Variants in MYO5A observed in about 807,000 individuals in gnomAD.
MYO5A encodes myosin VA, also known as unconventional myosin-Va.
A neutral mutation model predicts 249.7 loss-of-function variants in MYO5A; 98 were observed. That is an observed-to-expected ratio of 0.39 (90% CI 0.33 to 0.46). The LOEUF is 0.46. MYO5A is among the 20% of genes least tolerant of loss of function. The pLI is 0.98. For missense variants in MYO5A, 1,696 were observed against 2,308.8 expected, an observed-to-expected ratio of 0.73 and a Z score of 5.44; for synonymous variants, 778 against 810.6, an observed-to-expected ratio of 0.96 and a Z score of 0.68.
chr15:52,451,764 C>G (rs2076025065), intron 1 of MYO5A, among the ~76,000 whole-genome samples: 1 of 152,188 alleles, frequency 6.6e-6, no homozygotes, highest in Non-Finnish European at 1.5e-5. Context: ...TCCTCCTTAT[C>G]CTTCACATCT....
chr15:52,467,756 A>T (rs1279187442), intron 1 of MYO5A, among the ~76,000 whole-genome samples: 3 of 152,196 alleles, frequency 2.0e-5, no homozygotes, highest in Admixed American at 6.5e-5. Flanking sequence ...AAGGAAAAAA[A>T]TTTTAAATCG....
chr15:52,429,737 A>C (rs17707852), intron 2 of MYO5A, among the ~76,000 whole-genome samples: 1 of 151,970 alleles, frequency 6.6e-6, no homozygotes, highest in Non-Finnish European at 1.5e-5. Flanking sequence ...ACATTTTAAT[A>C]GGGTTCCTGG....
At chr15:52,383,469 T>C (rs2041843844) in intron 15 of MYO5A, among the ~76,000 whole-genome samples, 1 of 152,230 alleles carries the variant, frequency 6.6e-6, no homozygotes, top group Non-Finnish European at 1.5e-5. Context: ...TGTTATGAGC[T>C]TAGTCATATG....
chr15:52,482,979 A>C (rs1243590232), intron 1 of MYO5A, among the ~76,000 whole-genome samples: 1 of 152,220 alleles, frequency 6.6e-6, no homozygotes, highest in Non-Finnish European at 1.5e-5. Flanking sequence ...AATACAGAGG[A>C]AACAACAGGA....
rs1400389111 is a variant in MYO5A, at chr15:52,372,302, G to A, written c.2639C>T (p.Thr880Ile). The A allele has an allele frequency of 1.2e-6, 2 of 1,608,944 alleles. No homozygotes were observed. The highest frequency in any genetic ancestry group is 1.7e-6 in the Non-Finnish European group (2 of 1,180,012). ...QKRVRGWLAR[T>I]HYKRSMHAII... The stretch of plus-strand genomic sequence containing the variant: ...GGCATGCATGCTCCTCTTGTAGTGT[G>A]TGCGGGCCAGCCAGCCCCGGACTCG... Residue 880 changes from threonine (T) to isoleucine (I), a missense_variant, in exon 21 of 42, where the codon ACA (threonine) becomes ATA (isoleucine). This residue lies in a region of MYO5A where 412 missense variants were observed against 453.3 expected (regional missense o/e 0.91). Coordinates refer to ENST00000399233, the MANE Select transcript of MYO5A (RefSeq NM_001382347.1).
chr15:52,394,719 A>C (rs182478301), intron 11 of MYO5A, among the ~76,000 whole-genome samples: 5 of 152,240 alleles, frequency 3.3e-5, no homozygotes, highest in Non-Finnish European at 7.3e-5. Context: ...GCCAGTTCCT[A>C]AAGAGGCTGG....
intron 4 of MYO5A, among the ~76,000 whole-genome samples, chr15:52,421,777 G>A (rs1383402180): frequency 6.6e-6 from 1 of 152,170 alleles, no homozygotes. Flanking sequence ...GATCATCAGT[G>A]ACACTGTTCC....
intron 1 of MYO5A, 127 bp from the exon 2 acceptor site, chr15:52,433,412 A>AATTT: frequency 2.8e-6 from 1 of 362,202 alleles, no homozygotes; most frequent in Non-Finnish European, 5.0e-6. Context: ...CATGAAATTC[A>AATTT]CTTTTTTTTT....
At chr15:52,364,847 T>C (rs1388597498) in intron 23 of MYO5A, 145 bp from the exon 24 acceptor site, 4 of 892,416 alleles carry the variant, frequency 4.5e-6, no homozygotes, top group Non-Finnish European at 6.8e-6. Flanking sequence ...TAGTAAAATT[T>C]AGGAAAAGAA....
intron 24 of MYO5A, 78 bp downstream of exon 24, chr15:52,364,476 G>A (rs1482094669): frequency 5.1e-6 from 7 of 1,372,926 alleles, no homozygotes; most frequent in Non-Finnish European, 7.0e-6. Context: ...AGATATGGAG[G>A]TTCATTCTAC....
intron 1 of MYO5A, among the ~76,000 whole-genome samples, chr15:52,470,295 G>C (rs1595742090): frequency 1.3e-5 from 2 of 152,094 alleles, no homozygotes; most frequent in Non-Finnish European, 2.9e-5. Flanking sequence ...TGATAGCTTT[G>C]GTGTTGAATT....
In MYO5A at chr15:52,500,844, G is replaced by A. The variant is rs185607596; in HGVS notation, c.27+27936C>T. Among the ~76,000 whole-genome samples the A allele has an allele frequency of 4.6e-5, 7 of 152,112 alleles. No individual in the cohort carries two copies. The East Asian group carries it at 1.3e-3, about 29-fold the overall frequency. On this transcript the variant is annotated intron_variant, in intron 1 of 41. Transcript: ENST00000399233. ...TCTTAGTTCATGCCTAATCCAAGAG[G>A]CTAATCCCAACACCAAAAAATGGAT... is the stretch of plus-strand genomic sequence containing the variant.
At chr15:52,342,839 C>T (rs904164198) in intron 31 of MYO5A, among the ~76,000 whole-genome samples, 1 of 151,890 alleles carries the variant, frequency 6.6e-6, no homozygotes, top group Admixed American at 6.6e-5. Flanking sequence ...TTGCTTGAAC[C>T]CAGGAGGCAG....
intron 1 of MYO5A, among the ~76,000 whole-genome samples, chr15:52,493,758 C>T (rs1012593335): frequency 6.6e-6 from 1 of 152,130 alleles, no homozygotes; most frequent in Admixed American, 6.6e-5. Flanking sequence ...TGTCTAAAAC[C>T]TTGACAACAA....
At chr15:52,333,042 C>T (rs1018470134) in intron 34 of MYO5A, among the ~76,000 whole-genome samples, 3 of 152,288 alleles carry the variant, frequency 2.0e-5, no homozygotes, top group South Asian at 4.1e-4. Flanking sequence ...ACACAGAGTT[C>T]GTCCCCTTCA....
intron 1 of MYO5A, among the ~76,000 whole-genome samples, chr15:52,474,146 G>GGAATAAATACC (rs1264396789): frequency 6.6e-6 from 1 of 152,094 alleles, no homozygotes; most frequent in Non-Finnish European, 1.5e-5. Context: ...TATTCTCTTT[G>GGAATAAATACC]AAGCAATTGT....
chr15:52,491,135 A>ATACATT (rs1174033954), intron 1 of MYO5A, among the ~76,000 whole-genome samples: 2 of 152,252 alleles, frequency 1.3e-5, no homozygotes, highest in African/African-American at 4.8e-5. Context: ...AAATTTAAGT[A>ATACATT]TACATTTACA....
At chr15:52,473,129 T>C (rs2076512766) in intron 1 of MYO5A, among the ~76,000 whole-genome samples, 1 of 152,244 alleles carries the variant, frequency 6.6e-6, no homozygotes, top group Admixed American at 6.5e-5. Flanking sequence ...TGATTTGCAT[T>C]TCTCTGATGG....
chr15:52,340,602 T>C (rs1474979643), intron 31 of MYO5A, among the ~76,000 whole-genome samples: 1 of 152,178 alleles, frequency 6.6e-6, no homozygotes, highest in Non-Finnish European at 1.5e-5. Flanking sequence ...TTCTGCATTA[T>C]ATAAAGTTCT....
Sources: gnomAD v4.1 joint callset for allele counts (sites outside exome capture counted in the v4.1 genomes callset) on GRCh38, gnomAD v4.1.1 for gene constraint, gnomAD v4.1.1 regional missense constraint, MANE v1.5 for transcripts, NCBI Gene and HGNC (gene_info 2026-07-23, HGNC 2026-07-21) for gene names.